ERC1: variants seen among roughly 807,000 people sequenced by gnomAD.
The protein encoded by ERC1 is RAB6 interacting protein 2.
Under a neutral mutation model 132.0 loss-of-function variants are expected in ERC1, and 56 were observed. The ratio of observed to expected loss-of-function variants is 0.42; its 90% confidence interval spans 0.34 to 0.53. The LOEUF is 0.53. Among genes scored for constraint, ERC1 ranks in the 20% least tolerant of loss-of-function variants. The pLI is 0.03. For missense variants in ERC1, 1,202 were observed against 1,349.9 expected (o/e 0.89, Z 1.72); for synonymous variants, 478 against 476.1 (o/e 1.00, Z -0.05).
intron 1 of ERC1, among the ~76,000 whole-genome samples, chr12:1,015,308 C>G: frequency 6.6e-6 from 1 of 152,140 alleles, no homozygotes; most frequent in East Asian, 1.9e-4. Flanking sequence ...ATCTGCCCAC[C>G]TCAGCCTTTT....
intron 18 of ERC1, among the ~76,000 whole-genome samples, chr12:1,485,405 A>G (rs1223419574): frequency 1.3e-5 from 2 of 150,710 alleles, no homozygotes; most frequent in East Asian, 3.9e-4. Context: ...GAGTTTCACC[A>G]CATTGGCCAG....
At chr12:1,028,992 A>C (rs1194539948) in intron 2 of ERC1, among the ~76,000 whole-genome samples, 1 of 152,156 alleles carries the variant, frequency 6.6e-6, no homozygotes, top group Non-Finnish European at 1.5e-5. Context: ...AGTCATTCTT[A>C]AAAACAAAAC....
chr12:1,440,033 T>TTAGGG (rs1407505641), intron 17 of ERC1, among the ~76,000 whole-genome samples: 2 of 152,206 alleles, frequency 1.3e-5, no homozygotes, highest in East Asian at 3.9e-4. Context: ...TTCACAATGA[T>TTAGGG]ACATATTTTG....
intron 15 of ERC1, among the ~76,000 whole-genome samples, chr12:1,300,290 T>C (rs1334393542): frequency 2.0e-5 from 3 of 152,166 alleles, no homozygotes; most frequent in South Asian, 2.1e-4. Context: ...CTGGACTCTT[T>C]CCTTACACCA....
intron 15 of ERC1, among the ~76,000 whole-genome samples, chr12:1,319,249 TTAAGAA>T (rs2081962055): frequency 6.6e-6 from 1 of 152,170 alleles, no homozygotes; most frequent in African/African-American, 2.4e-5. Context: ...GAGTGAAACT[TTAAGAA>T]TAAAATTTGA....
intron 17 of ERC1, among the ~76,000 whole-genome samples, chr12:1,408,987 A>G (rs952913940): frequency 5.4e-5 from 8 of 147,308 alleles, no homozygotes; most frequent in East Asian, 1.9e-4. Flanking sequence ...TAGCTAAGGG[A>G]AAAAAAAAAC....
At chr12:1,464,542 CAG>C (rs1181169956) in intron 18 of ERC1, among the ~76,000 whole-genome samples, 2 of 89,316 alleles carry the variant, frequency 2.2e-5, no homozygotes, top group East Asian at 3.8e-4. Flanking sequence ...TTTTTTGAGA[CAG>C]AGTTTCGCTC....
Position 1,273,366 on chromosome 12 carries a change from C to T in ERC1, c.2619+10201C>T, listed in dbSNP as rs568529447. Among the ~76,000 whole-genome samples, 9 of 152,248 alleles carry T rather than the reference C, an allele frequency of 5.9e-5. No homozygotes were observed. The South Asian group carries it at 1.5e-3, about 25-fold the overall frequency. The stretch of plus-strand genomic sequence containing the variant: ...AATGCTCACTCGTAGTGGTCAGATA[C>T]GGTTTCTAAATACTATTCAATATTA... On this transcript the variant is annotated intron_variant, in intron 14 of 18. Coordinates refer to ENST00000360905, the MANE Select transcript of ERC1 (RefSeq NM_178040.4).
At chr12:1,020,362 C>T (rs953263321) in intron 1 of ERC1, among the ~76,000 whole-genome samples, 3 of 152,140 alleles carry the variant, frequency 2.0e-5, no homozygotes, top group African/African-American at 7.2e-5. Context: ...GAGGCTGAGG[C>T]AGGAGAATCG....
chr12:1,119,564 TGTGTGA>T (rs61479410), intron 7 of ERC1, among the ~76,000 whole-genome samples: 1,690 of 5,182 alleles, frequency 0.33, 130 homozygotes, highest in African/African-American at 0.41. Context: ...TGTGTGTGTG[TGTGTGA>T]GATGGAGTTT....
At chr12:1,144,949 T>C (rs1409432085) in intron 8 of ERC1, among the ~76,000 whole-genome samples, 1 of 152,070 alleles carries the variant, frequency 6.6e-6, no homozygotes, top group Non-Finnish European at 1.5e-5. Flanking sequence ...CATGCAAATA[T>C]CTATTTTTTT....
At chr12:1,320,943 C>A (rs958582371) in intron 15 of ERC1, among the ~76,000 whole-genome samples, 2 of 152,170 alleles carry the variant, frequency 1.3e-5, no homozygotes, top group African/African-American at 4.8e-5. Context: ...CCTCGTGATC[C>A]GCCTGCCTCA....
intron 15 of ERC1, among the ~76,000 whole-genome samples, chr12:1,312,380 C>T (rs113919755): frequency 0.049 from 7,453 of 152,062 alleles, 330 homozygotes; most frequent in African/African-American, 0.12. Context: ...AGAAGTAAAG[C>T]AATTTTTTTT....
Position 1,044,660 on chromosome 12 carries a change from A to G in ERC1, c.669+16088A>G, listed in dbSNP as rs1373245745. The stretch of plus-strand genomic sequence containing the variant: ...CTTAAATACAAATACATTTTATAAT[A>G]TATTTTGAAGTATGAAATATACCTT... On this transcript the variant is annotated intron_variant, in intron 2 of 18. Transcript: ENST00000360905. 3.3e-5 allele frequency among the ~76,000 whole-genome samples: 5 copies of G among 152,222 alleles called. No homozygotes were observed. In the South Asian group the frequency reaches 8.3e-4, roughly 25 times the overall value.
chr12:1,410,419 A>C, intron 17 of ERC1: 2 of 1,324,526 alleles, frequency 1.5e-6, no homozygotes, highest in South Asian at 2.4e-5. Flanking sequence ...GGCATAGCCA[A>C]TCAGAGGCTT....
intron 2 of ERC1, among the ~76,000 whole-genome samples, chr12:1,082,406 G>A (rs1352218847): frequency 1.3e-5 from 2 of 151,212 alleles, no homozygotes; most frequent in Non-Finnish European, 2.9e-5. Flanking sequence ...CGCCTGCCTC[G>A]GCCTCCCAAA....
At chr12:1,110,155 T>G (rs1490522345) in intron 4 of ERC1, 37 bp from the exon 5 acceptor site, 2 of 1,538,730 alleles carry the variant, frequency 1.3e-6, no homozygotes, top group Non-Finnish European at 1.8e-6. Context: ...TGGGTTTTTG[T>G]GAATACTTCA....
chr12:1,010,175 C>T (rs945967944), intron 1 of ERC1, among the ~76,000 whole-genome samples: 8 of 151,992 alleles, frequency 5.3e-5, no homozygotes, highest in African/African-American at 1.9e-4. Flanking sequence ...TGGACTTTTC[C>T]AGGTCGAAGA....
intron 15 of ERC1, among the ~76,000 whole-genome samples, chr12:1,343,327 A>G (rs1188696658): frequency 6.6e-6 from 1 of 152,182 alleles, no homozygotes; most frequent in Non-Finnish European, 1.5e-5. Context: ...ATGCTAAATT[A>G]GTTCATGGGT....
Sources: gnomAD v4.1 joint callset for allele counts (sites outside exome capture counted in the v4.1 genomes callset) on GRCh38, gnomAD v4.1.1 for gene constraint, MANE v1.5 for transcripts, NCBI Gene and HGNC (gene_info 2026-07-23, HGNC 2026-07-21) for gene names.